Variants in CACNA2D3 observed in about 807,000 individuals in gnomAD.
The protein encoded by CACNA2D3 is voltage-dependent calcium channel subunit alpha-2/delta-3.
Under a neutral mutation model 160.6 loss-of-function variants are expected in CACNA2D3, and 60 were observed. The observed-to-expected ratio is 0.37, with a 90% CI of 0.30 to 0.46. CACNA2D3 has a LOEUF of 0.46. CACNA2D3 is among the 20% of genes least tolerant of loss of function. The pLI is 1.00. For missense variants in CACNA2D3, 1,205 were observed against 1,365.0 expected (o/e 0.88, Z 1.85); for synonymous variants, 558 against 492.9 (o/e 1.13, Z -1.75).
intron 13 of CACNA2D3, among the ~76,000 whole-genome samples, chr3:54,786,360 C>G (rs1225272685): frequency 1.3e-5 from 2 of 152,162 alleles, no homozygotes; most frequent in Non-Finnish European, 2.9e-5. Context: ...CTTGGGAGAA[C>G]CTGATTTTAC....
chr3:54,422,425 G>A (rs1307217214), intron 4 of CACNA2D3, among the ~76,000 whole-genome samples: 1 of 152,092 alleles, frequency 6.6e-6, no homozygotes, highest in Non-Finnish European at 1.5e-5. Flanking sequence ...AACAGACAAA[G>A]GACCAGTATG....
At chr3:54,476,311 A>G (rs527808957) in intron 4 of CACNA2D3, among the ~76,000 whole-genome samples, 2 of 151,558 alleles carry the variant, frequency 1.3e-5, no homozygotes, top group East Asian at 1.9e-4. Flanking sequence ...TCACCTGCCA[A>G]TGCACATTTA....
intron 5 of CACNA2D3, among the ~76,000 whole-genome samples, chr3:54,544,141 T>C (rs1702024966): frequency 6.6e-6 from 1 of 152,220 alleles, no homozygotes; most frequent in African/African-American, 2.4e-5. Context: ...TTAACTATGT[T>C]TTATCTATAA....
At chr3:54,834,236 T>C (rs1028737979) in intron 14 of CACNA2D3, among the ~76,000 whole-genome samples, 1 of 152,222 alleles carries the variant, frequency 6.6e-6, no homozygotes, top group Non-Finnish European at 1.5e-5. Context: ...TTGTCAATGG[T>C]ATGTTTTTAT....
intron 35 of CACNA2D3, among the ~76,000 whole-genome samples, chr3:55,040,184 T>C (rs188942661): frequency 1.3e-3 from 201 of 152,224 alleles, no homozygotes; most frequent in African/African-American, 4.6e-3. Context: ...TATTCCACCA[T>C]GAGGGCTCTA....
chr3:54,286,950 C>A (rs573814647), intron 2 of CACNA2D3, among the ~76,000 whole-genome samples: 64 of 152,278 alleles, frequency 4.2e-4, no homozygotes, highest in Admixed American at 7.8e-4. Flanking sequence ...AAAGGAACAA[C>A]CAGTACCAGC....
intron 27 of CACNA2D3, among the ~76,000 whole-genome samples, chr3:54,904,201 C>T (rs1700403833): frequency 6.6e-6 from 1 of 152,178 alleles, no homozygotes; most frequent in Non-Finnish European, 1.5e-5. Flanking sequence ...TTATTGTTGA[C>T]TTGAGTTTTA....
chr3:54,863,784 T>C (rs111949419), intron 17 of CACNA2D3, among the ~76,000 whole-genome samples: 2 of 152,154 alleles, frequency 1.3e-5, no homozygotes, highest in Admixed American at 6.5e-5. Flanking sequence ...GTAATCATAC[T>C]AAGAGAGCAC....
chr3:54,130,947 A>G (rs1375526), intron 2 of CACNA2D3, among the ~76,000 whole-genome samples: 24,282 of 152,144 alleles, frequency 0.16, 2,044 homozygotes, highest in East Asian at 0.19. Flanking sequence ...ACATTTCTGA[A>G]CCTATACCCT....
At chr3:55,037,975 G>A (rs1316454244) in intron 35 of CACNA2D3, among the ~76,000 whole-genome samples, 1 of 152,206 alleles carries the variant, frequency 6.6e-6, no homozygotes, top group African/African-American at 2.4e-5. Flanking sequence ...TTGTCCTTGA[G>A]TCTGAGATGT....
intron 18 of CACNA2D3, chr3:54,878,754 G>A (rs537968028): frequency 2.1e-4 from 62 of 297,940 alleles, no homozygotes; most frequent in Admixed American, 1.3e-3. Context: ...TCTGACCCCC[G>A]GGATTCATCA....
At chr3:54,866,285 G>C (rs1699399475) in intron 17 of CACNA2D3, among the ~76,000 whole-genome samples, 1 of 152,210 alleles carries the variant, frequency 6.6e-6, no homozygotes. Flanking sequence ...CTTATCTCTT[G>C]CATATGGAGG....
chr3:54,545,419 A>G (rs1267085462), intron 5 of CACNA2D3, among the ~76,000 whole-genome samples: 1 of 152,176 alleles, frequency 6.6e-6, no homozygotes, highest in African/African-American at 2.4e-5. Context: ...CCTGTTAAAT[A>G]TGTATGGCTT....
intron 4 of CACNA2D3, among the ~76,000 whole-genome samples, chr3:54,399,575 C>T (rs1372049916): frequency 4.1e-5 from 1 of 24,238 alleles, no homozygotes; most frequent in African/African-American, 1.9e-4. Context: ...GAATACCCTG[C>T]CGTGTGAGGT....
intron 11 of CACNA2D3, among the ~76,000 whole-genome samples, chr3:54,750,682 G>A (rs1166554658): frequency 2.0e-5 from 3 of 150,832 alleles, no homozygotes; most frequent in Admixed American, 2.0e-4. Context: ...GTTAAGTGCC[G>A]ACAGTGGACA....
chr3:54,242,788 A>G (rs1046927449), intron 2 of CACNA2D3, among the ~76,000 whole-genome samples: 8 of 152,380 alleles, frequency 5.3e-5, no homozygotes, highest in African/African-American at 1.9e-4. Flanking sequence ...GGTTGACTGC[A>G]GGTTGAAACC....
chr3:54,747,561 T>A (rs921820559), intron 11 of CACNA2D3, among the ~76,000 whole-genome samples: 2 of 152,310 alleles, frequency 1.3e-5, no homozygotes, highest in African/African-American at 4.8e-5. Flanking sequence ...ATGTCAGACT[T>A]CTACTCAATC....
At chr3:54,621,222 A>G (rs779344328) in intron 9 of CACNA2D3, among the ~76,000 whole-genome samples, 1 of 152,214 alleles carries the variant, frequency 6.6e-6, no homozygotes, top group Non-Finnish European at 1.5e-5. Context: ...TTATAATTAC[A>G]TAGACAGGAA....
chr3:54,306,250 T>A (rs1487976252), intron 2 of CACNA2D3, among the ~76,000 whole-genome samples: 1 of 152,138 alleles, frequency 6.6e-6, no homozygotes, highest in Non-Finnish European at 1.5e-5. Context: ...GATGAATTGA[T>A]CAATTTCCTT....
Sources: allele counts gnomAD v4.1 joint callset (sites outside exome capture counted in the v4.1 genomes callset), GRCh38; gene constraint gnomAD v4.1.1; transcripts MANE v1.5; gene names NCBI Gene and HGNC (gene_info 2026-07-23, HGNC 2026-07-21).